The following EEFSEC variants were observed in gnomAD, a reference collection of about 807,000 sequenced individuals.
EEFSEC encodes eukaryotic elongation factor, selenocysteine-tRNA specific.
EEFSEC carries 43 observed loss-of-function variants against 42.1 expected under a neutral mutation model. The observed-to-expected ratio is 1.02, with a 90% CI of 0.80 to 1.32. EEFSEC has a LOEUF of 1.32. Ranked by LOEUF, EEFSEC falls within the 40% of genes most tolerant of loss-of-function variation. The probability of loss-of-function intolerance (pLI) is 0.00; values close to 1 mark genes in which losing one functional copy is unlikely to be tolerated. For missense variants in EEFSEC, 745 were observed against 803.6 expected (o/e 0.93, Z 0.88); for synonymous variants, 354 against 339.1 (o/e 1.04, Z -0.48).
intron 1 of EEFSEC, among the ~76,000 whole-genome samples, chr3:128,215,191 T>C (rs181084579): frequency 1.3e-5 from 2 of 152,268 alleles, no homozygotes; most frequent in African/African-American, 4.8e-5. Context: ...CATGGATATA[T>C]GTCTTATTTG....
At chr3:128,397,743 A>G (rs1474327368) in intron 6 of EEFSEC, among the ~76,000 whole-genome samples, 1 of 152,230 alleles carries the variant, frequency 6.6e-6, no homozygotes, top group East Asian at 1.9e-4. Context: ...CATCAAGTGC[A>G]TGTCTTATTC....
Position 128,154,027 on chromosome 3 carries a change from C to T in EEFSEC, c.316+204C>T, listed in dbSNP as rs1576500647. The T allele has an allele frequency of 1.7e-5, 10 of 598,762 alleles. No individual in the cohort carries two copies. In the East Asian group the frequency reaches 3.2e-4, roughly 19 times the overall value. 37.1% of individuals were successfully genotyped at this position (598,762 alleles called of 1,614,324 possible). A position where few individuals can be genotyped will look rare whatever the true frequency, so the allele number is the denominator to read the frequency against. ...GGCTTTGAGATTCAGCTTTTCCCATCCAGCAGAACCGAGCTGCAAGGCGCC... is the reference window on the plus strand; with the variant it reads ...GGCTTTGAGATTCAGCTTTTCCCATTCAGCAGAACCGAGCTGCAAGGCGCC... On this transcript the variant is annotated intron_variant, in intron 1 of 6. Coordinates refer to ENST00000254730, the MANE Select transcript of EEFSEC (RefSeq NM_021937.5).
At chr3:128,170,116 G>A (rs2065280158) in intron 1 of EEFSEC, among the ~76,000 whole-genome samples, 1 of 152,168 alleles carries the variant, frequency 6.6e-6, no homozygotes, top group Non-Finnish European at 1.5e-5. Context: ...TCACTGTAGG[G>A]AAGACCAGCT....
chr3:128,248,030 A>C (rs544746750), intron 2 of EEFSEC, among the ~76,000 whole-genome samples: 1 of 152,334 alleles, frequency 6.6e-6, no homozygotes, highest in East Asian at 1.9e-4. Context: ...GGGGACTGTG[A>C]GACAGAAAGC....
the EEFSEC span, among the ~76,000 whole-genome samples, chr3:128,414,188 G>A: frequency 3.9e-3 from 597 of 152,312 alleles, 2 homozygotes; most frequent in African/African-American, 0.013. Flanking sequence ...TGGGACCCCC[G>A]GGCAACCTAC....
At chr3:128,412,880 T>A (rs1348951533), downstream of EEFSEC, among the ~76,000 whole-genome samples, 2 of 151,794 alleles carry the variant, frequency 1.3e-5, no homozygotes, top group Non-Finnish European at 2.9e-5. Context: ...GGGGAGGTGA[T>A]GGGGGCGCTA....
chr3:128,273,556 A>C (rs563965287), intron 4 of EEFSEC, among the ~76,000 whole-genome samples: 186 of 152,314 alleles, frequency 1.2e-3, no homozygotes, highest in African/African-American at 4.3e-3. Context: ...AATCTGTTGC[A>C]GCTAGACGAA....
At chr3:128,376,238 T>A (rs1179922615) in intron 6 of EEFSEC, among the ~76,000 whole-genome samples, 1 of 152,222 alleles carries the variant, frequency 6.6e-6, no homozygotes, top group African/African-American at 2.4e-5. Flanking sequence ...TGCACCCTTT[T>A]GCAACCCTGC....
chr3:128,328,454 C>T (rs570737740), intron 4 of EEFSEC, among the ~76,000 whole-genome samples: 6 of 152,304 alleles, frequency 3.9e-5, no homozygotes, highest in Admixed American at 2.6e-4. Context: ...CTGGTGCACC[C>T]CAGGACCAAG....
intron 2 of EEFSEC, among the ~76,000 whole-genome samples, chr3:128,255,012 C>G (rs566918209): frequency 3.3e-5 from 5 of 152,304 alleles, no homozygotes; most frequent in African/African-American, 1.2e-4. Flanking sequence ...TCAGAGAGGA[C>G]TAATTCAGAG....
At position 128,313,420 on chromosome 3, in the gene EEFSEC, G is replaced by A. The variant is rs186190594; in HGVS notation, c.787-27813G>A. On this transcript the variant is annotated intron_variant, in intron 4 of 6. Coordinates refer to ENST00000254730, the MANE Select transcript of EEFSEC (RefSeq NM_021937.5). ...TCCATGCCATGTGGGAGCCACGGGT[G>A]GCATGTTGCATTCAGTTAGTGACCA... 3.9e-5 allele frequency among the ~76,000 whole-genome samples: 6 copies of A among 152,338 alleles called. No individual in the cohort carries two copies. In the East Asian group the frequency reaches 1.2e-3, roughly 29 times the overall value.
intron 4 of EEFSEC, among the ~76,000 whole-genome samples, chr3:128,301,900 T>C (rs953072222): frequency 2.0e-5 from 3 of 152,096 alleles, no homozygotes; most frequent in African/African-American, 7.2e-5. Context: ...ACTGGGAAGC[T>C]GGCAGGCAGA....
rs1226401886 is a variant in EEFSEC, at chr3:128,256,321, C to A, written c.525-5807C>A. ...GCTACAGTAGTAGAAGATTTCTTGT[C>A]CCCTGAGATTGGACTGTGGTTGGTT... On this transcript the variant is annotated intron_variant, in intron 2 of 6. Transcript: ENST00000254730. Among the ~76,000 whole-genome samples the A allele has an allele frequency of 2.6e-5, 4 of 152,190 alleles. No individual in the cohort carries two copies. In the East Asian group the frequency reaches 7.7e-4, roughly 29 times the overall value.
intron 1 of EEFSEC, among the ~76,000 whole-genome samples, chr3:128,228,596 C>A (rs1305983450): frequency 2.0e-5 from 3 of 151,906 alleles, no homozygotes; most frequent in Non-Finnish European, 2.9e-5. Context: ...CGGTCTCTGA[C>A]CTTGACCTCC....
intron 1 of EEFSEC, among the ~76,000 whole-genome samples, chr3:128,196,783 C>T (rs1341735025): frequency 6.6e-6 from 1 of 152,214 alleles, no homozygotes; most frequent in Non-Finnish European, 1.5e-5. Context: ...CCTCAGTCTC[C>T]TTGTCTGCAG....
At chr3:128,238,739 T>G (rs2066039361) in intron 1 of EEFSEC, among the ~76,000 whole-genome samples, 1 of 152,204 alleles carries the variant, frequency 6.6e-6, no homozygotes, top group Non-Finnish European at 1.5e-5. Flanking sequence ...ATCTGCCCAC[T>G]TCAGCCTCCC....
chr3:128,288,139 T>A (rs2066606349), intron 4 of EEFSEC, among the ~76,000 whole-genome samples: 1 of 152,192 alleles, frequency 6.6e-6, no homozygotes, highest in Non-Finnish European at 1.5e-5. Flanking sequence ...ACTTCTGTAT[T>A]TCTTCTTTTA....
intron 1 of EEFSEC, among the ~76,000 whole-genome samples, chr3:128,188,967 T>C (rs553966197): frequency 6.6e-6 from 1 of 152,054 alleles, no homozygotes; most frequent in African/African-American, 2.4e-5. Context: ...TGTAGGGGAG[T>C]TGGACAGGTA....
At chr3:128,262,682 C>T (rs184236817) in intron 3 of EEFSEC, among the ~76,000 whole-genome samples, 108 of 152,312 alleles carry the variant, frequency 7.1e-4, no homozygotes, top group Middle Eastern at 3.4e-3. Context: ...AATGCAGCTT[C>T]CATCCTGGGC....
Sources: gnomAD v4.1 joint callset for allele counts (sites outside exome capture counted in the v4.1 genomes callset) on GRCh38, gnomAD v4.1.1 for gene constraint, MANE v1.5 for transcripts, NCBI Gene and HGNC (gene_info 2026-07-23, HGNC 2026-07-21) for gene names.